The following PPP2R2B variants were observed in gnomAD, a reference collection of about 807,000 sequenced individuals.
PPP2R2B encodes the protein protein phosphatase 2 regulatory subunit Bbeta.
A neutral mutation model predicts 46.0 loss-of-function variants in PPP2R2B; 5 were observed. That is an observed-to-expected ratio of 0.11 (90% CI 0.06 to 0.23). The LOEUF (loss-of-function observed/expected upper bound fraction) is 0.23, where lower values mean the gene tolerates loss of function less well. Ranked by LOEUF, PPP2R2B falls within the 10% of genes least tolerant of loss-of-function variation. PPP2R2B has a pLI of 1.00. For missense variants in PPP2R2B, 367 were observed against 575.0 expected, an observed-to-expected ratio of 0.64 and a Z score of 3.70; for synonymous variants, 215 against 206.7, an observed-to-expected ratio of 1.04 and a Z score of -0.34.
chr5:147,078,795 G>A (rs1168122732), intron 2 of PPP2R2B, among the ~76,000 whole-genome samples: 3 of 138,122 alleles, frequency 2.2e-5, no homozygotes, highest in East Asian at 2.1e-4. Context: ...GTGGCAGAGC[G>A]AGACTCCGTC....
chr5:147,051,911 C>T (rs1229315471), intron 1 of PPP2R2B, among the ~76,000 whole-genome samples: 2 of 151,558 alleles, frequency 1.3e-5, no homozygotes, highest in Admixed American at 6.6e-5. Context: ...TACAGGGGCC[C>T]ACCACCACAC....
At chr5:147,040,530 G>C (rs1756243231) in intron 1 of PPP2R2B, among the ~76,000 whole-genome samples, 2 of 152,210 alleles carry the variant, frequency 1.3e-5, no homozygotes, top group South Asian at 4.1e-4. Context: ...GATTGGACTG[G>C]AGAAATTGTA....
intron 2 of PPP2R2B, among the ~76,000 whole-genome samples, chr5:146,723,458 C>T (rs573350557): frequency 1.4e-4 from 22 of 152,262 alleles, no homozygotes; most frequent in Non-Finnish European, 2.2e-4. Context: ...GAAAATCTTA[C>T]GGAGTCCTAA....
intron 6 of PPP2R2B, among the ~76,000 whole-genome samples, chr5:146,643,017 A>G (rs1289380027): frequency 6.6e-6 from 1 of 152,234 alleles, no homozygotes; most frequent in Non-Finnish European, 1.5e-5. Context: ...TAATTGTGCC[A>G]CTGCACTCCA....
intron 5 of PPP2R2B, among the ~76,000 whole-genome samples, chr5:146,666,237 A>G (rs574858508): frequency 9.0e-4 from 137 of 152,342 alleles, no homozygotes; most frequent in Middle Eastern, 3.4e-3. Flanking sequence ...TAAACAAAAC[A>G]AAGTCATATC....
intron 1 of PPP2R2B, among the ~76,000 whole-genome samples, chr5:146,911,272 C>T (rs760411718): frequency 2.0e-5 from 3 of 152,028 alleles, no homozygotes; most frequent in Admixed American, 6.6e-5. Flanking sequence ...TTAGTAGAGA[C>T]GGGGTTTCGC....
At position 146,808,518 on chromosome 5, in the gene PPP2R2B, AG is replaced by A. The variant is rs373814921; in HGVS notation, c.70+69483del. 4.1e-3 allele frequency among the ~76,000 whole-genome samples: 620 copies of A among 152,312 alleles called. 9 individuals are homozygous for A. The highest frequency in any genetic ancestry group is 0.014 in the African/African-American group (588 of 41,570). On this transcript the variant is annotated intron_variant, in intron 2 of 9. Transcript: ENST00000394411. ...AGAGCCCCATTCACTAAGAGGTAAG[AG>A]GCTGTCTGGAAAGGAAGAACTGACC...
intron 2 of PPP2R2B, among the ~76,000 whole-genome samples, chr5:147,067,091 G>A (rs1757434858): frequency 6.6e-6 from 1 of 152,128 alleles, no homozygotes; most frequent in Non-Finnish European, 1.5e-5. Context: ...CATTTACGGT[G>A]TACAACATGG....
chr5:146,934,817 A>G (rs564845631), intron 1 of PPP2R2B, among the ~76,000 whole-genome samples: 33 of 152,076 alleles, frequency 2.2e-4, no homozygotes, highest in Non-Finnish European at 4.4e-4. Context: ...TTATTCTAAC[A>G]ACATAGAGCA....
At chr5:146,972,482 C>T (rs368615300) in intron 1 of PPP2R2B, among the ~76,000 whole-genome samples, 73 of 152,140 alleles carry the variant, frequency 4.8e-4, no homozygotes, top group African/African-American at 1.6e-3. Context: ...GAGGCTGAGG[C>T]GGGTGGATCA....
rs79956066 is a variant in PPP2R2B at position 146,675,561 on chromosome 5, G to A, written c.447+15567C>T. On this transcript the variant is annotated intron_variant, in intron 5 of 9. Transcript: ENST00000394411. Reference sequence around the variant, plus strand: ...AGAGAAATCTAGGATGAAACATATAGCAAGTGCAATATTAAGCATGCTCCC... The same window carrying A: ...AGAGAAATCTAGGATGAAACATATAACAAGTGCAATATTAAGCATGCTCCC... 7.4e-3 allele frequency among the ~76,000 whole-genome samples: 1,134 copies of A among 152,274 alleles called. 13 individuals are homozygous for A. Among genetic ancestry groups the A allele is most frequent in the African/African-American group, 0.024 (1,009 of 41,536 alleles).
intron 2 of PPP2R2B, among the ~76,000 whole-genome samples, chr5:146,764,263 G>A (rs1754336891): frequency 6.6e-6 from 1 of 152,102 alleles, no homozygotes; most frequent in South Asian, 2.1e-4. Flanking sequence ...AGCCTTGTGG[G>A]CCCACTTTTG....
chr5:146,697,085 C>T (rs912262830), intron 4 of PPP2R2B, among the ~76,000 whole-genome samples: 2 of 152,128 alleles, frequency 1.3e-5, no homozygotes, highest in South Asian at 2.1e-4. Context: ...TTTTAAATCC[C>T]TTGCTTCTTG....
intron 7 of PPP2R2B, among the ~76,000 whole-genome samples, chr5:146,609,900 G>A (rs1446955198): frequency 1.4e-5 from 2 of 144,370 alleles, no homozygotes; most frequent in African/African-American, 2.8e-5. Context: ...CTGCAAGGTG[G>A]CAACGAGGCT....
At position 146,587,441 on chromosome 5, in the gene PPP2R2B, T is replaced by C. The variant is rs774672294; in HGVS notation, c.*2506A>G. On this transcript the variant is annotated 3_prime_UTR_variant, in exon 10 of 10. Coordinates refer to ENST00000394411, the MANE Select transcript of PPP2R2B (RefSeq NM_181675.4). ...TCATCCTACTCTGGATCCCAGTTTG[T>C]ACATCTATATGCTAAGGGTGTTGGA... 1 of 152,246 alleles carries C rather than the reference T, an allele frequency of 6.6e-6. No homozygotes were observed. Among genetic ancestry groups the C allele is most frequent in the Non-Finnish European group, 1.5e-5 (1 of 68,068 alleles). 9.4% of individuals were successfully genotyped at this position (152,246 alleles called of 1,614,324 possible).
In PPP2R2B at chr5:146,698,870, A is replaced by G. The variant is rs550437469; in HGVS notation, c.169-726T>C. Among the ~76,000 whole-genome samples, 500 of 152,162 alleles carry G rather than the reference A, an allele frequency of 3.3e-3. 3 individuals are homozygous for G. Among genetic ancestry groups the G allele is most frequent in the Non-Finnish European group, 5.0e-3 (338 of 68,006 alleles). ...GCTTTCCTCTAGCGCTGATTATGCA[A>G]TGAGCAAACAGCAGGGACTACATAC... On this transcript the variant is annotated intron_variant, in intron 3 of 9. Coordinates refer to ENST00000394411, the MANE Select transcript of PPP2R2B (RefSeq NM_181675.4).
intron 2 of PPP2R2B, among the ~76,000 whole-genome samples, chr5:146,771,229 G>T (rs1256027614): frequency 6.6e-6 from 1 of 152,144 alleles, no homozygotes; most frequent in African/African-American, 2.4e-5. Context: ...GACTGAATGA[G>T]CAGTGAAATA....
chr5:146,988,556 T>G (rs1753537869), intron 1 of PPP2R2B, among the ~76,000 whole-genome samples: 1 of 151,940 alleles, frequency 6.6e-6, no homozygotes, highest in Admixed American at 6.5e-5. Flanking sequence ...ATTTAAAAAT[T>G]TCTTGGGGCA....
chr5:146,593,115 T>A, intron 8 of PPP2R2B, 53 bp from the exon 9 acceptor site: 2 of 1,374,058 alleles, frequency 1.5e-6, no homozygotes, highest in South Asian at 2.3e-5. Flanking sequence ...CAGTAATTAT[T>A]TCTGCAAACA....
Sources: allele counts gnomAD v4.1 joint callset (sites outside exome capture counted in the v4.1 genomes callset), GRCh38; gene constraint gnomAD v4.1.1; transcripts MANE v1.5; gene names NCBI Gene and HGNC (gene_info 2026-07-23, HGNC 2026-07-21).